RAB38: variants seen among roughly 807,000 people sequenced by gnomAD.
The protein encoded by RAB38 is RAB38, member RAS oncogene family.
RAB38 carries 15 observed loss-of-function variants against 18.4 expected under a neutral mutation model. The observed-to-expected ratio is 0.82, with a 90% CI of 0.55 to 1.26. The LOEUF is 1.26. Ranked by LOEUF, RAB38 falls within the 50% of genes most tolerant of loss-of-function variation. RAB38 has a pLI of 0.00. For missense variants in RAB38, 294 were observed against 267.4 expected, an observed-to-expected ratio of 1.10 and a Z score of -0.69; for synonymous variants, 101 against 104.4, an observed-to-expected ratio of 0.97 and a Z score of 0.20.
chr11:87,959,082 C>T, the RAB38 span, among the ~76,000 whole-genome samples: 2 of 152,228 alleles, frequency 1.3e-5, no homozygotes, highest in Admixed American at 6.5e-5. Flanking sequence ...CCCCACCAAT[C>T]ATCAAATGGG....
At chr11:88,144,619 T>C (rs1942957624) in intron 2 of RAB38, among the ~76,000 whole-genome samples, 1 of 152,204 alleles carries the variant, frequency 6.6e-6, no homozygotes, top group South Asian at 2.1e-4. Context: ...ATTTTTATTT[T>C]TAGCTTCAAA....
chr11:87,854,676 G>A, the RAB38 span, among the ~76,000 whole-genome samples: 1 of 152,074 alleles, frequency 6.6e-6, no homozygotes, highest in Non-Finnish European at 1.5e-5. Context: ...TAATAAAAAT[G>A]TTTAAAATAA....
the RAB38 span, among the ~76,000 whole-genome samples, chr11:87,928,121 G>A: frequency 6.6e-6 from 1 of 151,618 alleles, no homozygotes; most frequent in African/African-American, 2.4e-5. Context: ...AAAGAAAGAA[G>A]GAAGAGAGAG....
chr11:87,879,179 A>G, the RAB38 span, among the ~76,000 whole-genome samples: 1 of 151,600 alleles, frequency 6.6e-6, no homozygotes, highest in Admixed American at 6.6e-5. Flanking sequence ...TCCTACATCA[A>G]TTACCAAAAC....
At chr11:88,023,508 A>G in the RAB38 span, among the ~76,000 whole-genome samples, 62 of 152,260 alleles carry the variant, frequency 4.1e-4, no homozygotes, top group African/African-American at 1.4e-3. Context: ...ATTCCCTATC[A>G]AGATACTAAT....
chr11:88,013,869 A>G, the RAB38 span, among the ~76,000 whole-genome samples: 1 of 152,202 alleles, frequency 6.6e-6, no homozygotes, highest in Admixed American at 6.6e-5. Flanking sequence ...AATCAATAGC[A>G]CAGTAAAGAG....
the RAB38 span, among the ~76,000 whole-genome samples, chr11:88,097,351 G>A: frequency 6.6e-6 from 1 of 151,854 alleles, no homozygotes; most frequent in Non-Finnish European, 1.5e-5. Flanking sequence ...CTCCATCTGT[G>A]CACCAAAGAG....
At chr11:88,028,319 C>G in the RAB38 span, among the ~76,000 whole-genome samples, 3 of 152,246 alleles carry the variant, frequency 2.0e-5, no homozygotes, top group East Asian at 1.9e-4. Flanking sequence ...AAAAGCAGAG[C>G]GCCTCTCCTC....
the RAB38 span, among the ~76,000 whole-genome samples, chr11:87,957,737 T>G: frequency 3.3e-5 from 5 of 152,118 alleles, no homozygotes; most frequent in South Asian, 8.3e-4. Context: ...AGTTCTAACT[T>G]CTATAATCTG....
the RAB38 span, among the ~76,000 whole-genome samples, chr11:87,970,354 G>C: frequency 6.6e-6 from 1 of 152,026 alleles, no homozygotes; most frequent in African/African-American, 2.4e-5. Context: ...AGCCCTGTTA[G>C]ACTCTGCCTT....
At chr11:88,066,096 T>G in the RAB38 span, among the ~76,000 whole-genome samples, 1 of 152,230 alleles carries the variant, frequency 6.6e-6, no homozygotes, top group South Asian at 2.1e-4. Flanking sequence ...TGACTTGAAA[T>G]TTAAATGTAT....
intron 1 of RAB38, chr11:88,167,649 AAGGAG>A (rs1250996953): frequency 2.6e-5 from 4 of 152,156 alleles, no homozygotes; most frequent in African/African-American, 9.7e-5. Flanking sequence ...CAATGAAAGG[AAGGAG>A]AGAACAGTAG....
the RAB38 span, among the ~76,000 whole-genome samples, chr11:88,069,311 G>A: frequency 6.6e-6 from 1 of 152,194 alleles, no homozygotes; most frequent in African/African-American, 2.4e-5. Context: ...AGGACCTGCA[G>A]CCCGCCATGC....
At chr11:87,834,987 G>C in the RAB38 span, among the ~76,000 whole-genome samples, 1 of 152,212 alleles carries the variant, frequency 6.6e-6, no homozygotes, top group African/African-American at 2.4e-5. Flanking sequence ...CTTCAACCTA[G>C]ATCTGCCCAT....
At chr11:87,812,155 T>C in the RAB38 span, among the ~76,000 whole-genome samples, 1 of 152,206 alleles carries the variant, frequency 6.6e-6, no homozygotes, top group African/African-American at 2.4e-5. Context: ...TTTACCACCA[T>C]TGACCTTGGG....
At chr11:87,816,595 T>C in the RAB38 span, 1 of 152,126 alleles carries the variant, frequency 6.6e-6, no homozygotes, top group African/African-American at 2.4e-5. Flanking sequence ...CTCATTGTTA[T>C]ATGCTACTAA....
the RAB38 span, among the ~76,000 whole-genome samples, chr11:88,054,126 C>A: frequency 1.3e-5 from 2 of 152,178 alleles, no homozygotes; most frequent in Admixed American, 1.3e-4. Flanking sequence ...ACACACCCAG[C>A]CACATCTCTA....
chr11:87,975,658 T>C, the RAB38 span, among the ~76,000 whole-genome samples: 1 of 151,846 alleles, frequency 6.6e-6, no homozygotes, highest in Non-Finnish European at 1.5e-5. Flanking sequence ...AAAACATGGA[T>C]TAAATGAAAT....
At chr11:88,094,215 C>T in the RAB38 span, among the ~76,000 whole-genome samples, 2 of 151,838 alleles carry the variant, frequency 1.3e-5, no homozygotes, top group African/African-American at 4.8e-5. Flanking sequence ...CCCAATATAC[C>T]ACTATTCTCT....
Sources: allele counts gnomAD v4.1 joint callset (sites outside exome capture counted in the v4.1 genomes callset), GRCh38; gene constraint gnomAD v4.1.1; transcripts MANE v1.5; gene names NCBI Gene and HGNC (gene_info 2026-07-23, HGNC 2026-07-21).